Variants in DCC observed in about 807,000 individuals in gnomAD.
The protein encoded by DCC is netrin receptor DCC.
A neutral mutation model predicts 172.5 loss-of-function variants in DCC; 58 were observed. That is an observed-to-expected ratio of 0.34 (90% CI 0.27 to 0.42). The LOEUF is 0.42. Ranked by LOEUF, DCC falls within the 10% of genes least tolerant of loss-of-function variation. DCC has a pLI of 1.00. For missense variants in DCC, 1,740 were observed against 1,791.0 expected, an observed-to-expected ratio of 0.97 and a Z score of 0.51; for synonymous variants, 709 against 644.5, an observed-to-expected ratio of 1.10 and a Z score of -1.52.
intron 2 of DCC, among the ~76,000 whole-genome samples, chr18:52,870,367 C>T (rs957553973): frequency 1.3e-5 from 2 of 152,152 alleles, no homozygotes; most frequent in African/African-American, 4.8e-5. Flanking sequence ...CACCACCACT[C>T]GCACCTTCCC....
At chr18:52,407,149 A>G (rs187661146) in intron 1 of DCC, among the ~76,000 whole-genome samples, 21 of 152,080 alleles carry the variant, frequency 1.4e-4, no homozygotes, top group African/African-American at 1.9e-4. Context: ...ACAACCACTT[A>G]TTTTTGCTCC....
At chr18:52,556,793 C>T (rs753135156) in intron 1 of DCC, among the ~76,000 whole-genome samples, 7 of 152,060 alleles carry the variant, frequency 4.6e-5, no homozygotes, top group South Asian at 2.1e-4. Context: ...CAATTGGTGC[C>T]GCCGTCTCAC....
At chr18:52,836,536 T>G (rs533497164) in intron 2 of DCC, among the ~76,000 whole-genome samples, 6 of 152,350 alleles carry the variant, frequency 3.9e-5, no homozygotes, top group African/African-American at 1.4e-4. Context: ...ACAGTCTCCA[T>G]GCAAGTCTGA....
chr18:53,262,493 T>A lies in DCC; in HGVS notation c.1912-43085T>A, dbSNP rs12455749. On this transcript the variant is annotated intron_variant, in intron 12 of 28. Transcript: ENST00000442544. Reference sequence around the variant, plus strand: ...AAACTCCCATCTGATTCTGAAGAGCTTATAATACTTTCAGAAGAGATAATG... The same window carrying A: ...AAACTCCCATCTGATTCTGAAGAGCATATAATACTTTCAGAAGAGATAATG... Among the ~76,000 whole-genome samples the A allele has an allele frequency of 2.1e-3, 319 of 152,340 alleles. 6 individuals carry two copies. The highest frequency in any genetic ancestry group is 0.019 in the Admixed American group (286 of 15,300).
chr18:52,420,856 T>G (rs932071829), intron 1 of DCC, among the ~76,000 whole-genome samples: 10 of 151,924 alleles, frequency 6.6e-5, no homozygotes, highest in Admixed American at 6.6e-4. Flanking sequence ...AGGATTGGGT[T>G]TAGAGGAGAG....
At position 52,640,968 on chromosome 18, in the gene DCC, C is replaced by T. The variant is rs548724552; in HGVS notation, c.92-111086C>T. Among the ~76,000 whole-genome samples, 4 of 152,202 alleles carry T rather than the reference C, an allele frequency of 2.6e-5. No homozygotes were observed. In the East Asian group the frequency reaches 7.7e-4, roughly 29 times the overall value. On this transcript the variant is annotated intron_variant, in intron 1 of 28. Transcript: ENST00000442544. ...TCACACTACCTGATTTCAAACTATACAATAAGGCCATAGTCACCAAAACAG... is the reference window on the plus strand; with the variant it reads ...TCACACTACCTGATTTCAAACTATATAATAAGGCCATAGTCACCAAAACAG...
intron 15 of DCC, among the ~76,000 whole-genome samples, chr18:53,359,349 T>G (rs1230451165): frequency 6.6e-6 from 1 of 152,194 alleles, no homozygotes; most frequent in Non-Finnish European, 1.5e-5. Flanking sequence ...TTAAGCTAGT[T>G]AGACTTACCT....
At chr18:52,958,959 TA>T (rs2040794286) in intron 5 of DCC, among the ~76,000 whole-genome samples, 1 of 152,216 alleles carries the variant, frequency 6.6e-6, no homozygotes, top group Middle Eastern at 3.4e-3. Context: ...TAAACGTTCT[TA>T]AAACACTGAA....
At chr18:52,782,433 C>T (rs2037563167) in intron 2 of DCC, among the ~76,000 whole-genome samples, 1 of 151,586 alleles carries the variant, frequency 6.6e-6, no homozygotes, top group South Asian at 2.1e-4. Flanking sequence ...TTTTTATTTC[C>T]CCCATCCTCT....
chr18:52,834,637 A>T (rs1568133527), intron 2 of DCC, among the ~76,000 whole-genome samples: 1 of 152,190 alleles, frequency 6.6e-6, no homozygotes. Flanking sequence ...TTGTAAAAAA[A>T]TTTGAAAAAT....
chr18:53,467,689 A>G (rs1203279547), intron 24 of DCC, among the ~76,000 whole-genome samples: 1 of 152,204 alleles, frequency 6.6e-6, no homozygotes, highest in Non-Finnish European at 1.5e-5. Flanking sequence ...AATATAAATA[A>G]TGGTTTATTG....
chr18:53,050,697 A>G (rs60922802), intron 5 of DCC, among the ~76,000 whole-genome samples: 7,098 of 152,114 alleles, frequency 0.047, 519 homozygotes, highest in African/African-American at 0.16. Context: ...GGTTCTCTAA[A>G]TATAGAATCA....
chr18:53,502,240 C>G (rs1232776643), intron 27 of DCC, among the ~76,000 whole-genome samples: 1 of 152,146 alleles, frequency 6.6e-6, no homozygotes, highest in Non-Finnish European at 1.5e-5. Flanking sequence ...TGCCACTCCT[C>G]TCCCCCACTC....
At chr18:52,817,803 A>ATGTGTGTGTG (rs1555668566) in intron 2 of DCC, among the ~76,000 whole-genome samples, 327 of 151,536 alleles carry the variant, frequency 2.2e-3, no homozygotes, top group African/African-American at 7.4e-3. Context: ...ATATATATAT[A>ATGTGTGTGTG]TGTGTGTGTG....
At chr18:53,220,194 G>T (rs1420326166) in intron 12 of DCC, among the ~76,000 whole-genome samples, 1 of 152,152 alleles carries the variant, frequency 6.6e-6, no homozygotes, top group Non-Finnish European at 1.5e-5. Context: ...GTATGTGTAT[G>T]TGTGTATTCA....
chr18:52,398,001 G>T (rs1986295249), intron 1 of DCC, among the ~76,000 whole-genome samples: 1 of 151,838 alleles, frequency 6.6e-6, no homozygotes, highest in South Asian at 2.1e-4. Context: ...TAAGTAATAG[G>T]GCTGGGCTTC....
chr18:52,494,873 AT>A (rs543520840), intron 1 of DCC, among the ~76,000 whole-genome samples: 16 of 151,990 alleles, frequency 1.1e-4, no homozygotes, highest in Non-Finnish European at 1.6e-4. Context: ...ACACCTAGTA[AT>A]TTTTTTATTG....
At chr18:52,732,211 A>C (rs528401326) in intron 1 of DCC, among the ~76,000 whole-genome samples, 3 of 152,286 alleles carry the variant, frequency 2.0e-5, no homozygotes, top group Non-Finnish European at 4.4e-5. Flanking sequence ...ATGGGTTTTA[A>C]AAATAAGAAG....
At position 53,185,023 on chromosome 18, in the gene DCC, G is replaced by A. The variant is rs527520242; in HGVS notation, c.1573+5907G>A. 8.5e-5 allele frequency among the ~76,000 whole-genome samples: 13 copies of A among 152,226 alleles called. No individual in the cohort carries two copies. In the East Asian group the frequency reaches 1.3e-3, roughly 16 times the overall value. On this transcript the variant is annotated intron_variant, in intron 9 of 28. Coordinates refer to ENST00000442544, the MANE Select transcript of DCC (RefSeq NM_005215.4). ...GACAACAATTCAGTTGTCTGATCCCGTACATGGCCAGACATAAATAATGGA... is the reference window on the plus strand; with the variant it reads ...GACAACAATTCAGTTGTCTGATCCCATACATGGCCAGACATAAATAATGGA...
Sources: allele counts gnomAD v4.1 joint callset (sites outside exome capture counted in the v4.1 genomes callset), GRCh38; gene constraint gnomAD v4.1.1; transcripts MANE v1.5; gene names NCBI Gene and HGNC (gene_info 2026-07-23, HGNC 2026-07-21).